The following KCTD9 variants were observed in gnomAD, a reference collection of about 807,000 sequenced individuals.
KCTD9 encodes BTB/POZ domain-containing protein KCTD9.
In KCTD9, 17 loss-of-function variants were observed where a neutral mutation model predicts 53.3. The observed-to-expected ratio is 0.32, with a 90% CI of 0.22 to 0.48. The LOEUF (loss-of-function observed/expected upper bound fraction) is 0.48. Ranked by LOEUF, KCTD9 falls within the 20% of genes least tolerant of loss-of-function variation. The probability of loss-of-function intolerance (pLI) is 0.99; values close to 1 mark genes in which losing one functional copy is unlikely to be tolerated. For missense variants in KCTD9, 179 were observed against 465.5 expected (o/e 0.38, Z 5.66); for synonymous variants, 128 against 162.7 (o/e 0.79, Z 1.62).
intron 1 of KCTD9, among the ~76,000 whole-genome samples, chr8:25,456,966 G>C (rs554726150): frequency 5.5e-4 from 83 of 152,282 alleles, no homozygotes; most frequent in African/African-American, 2.0e-3. Context: ...GCTAAGTACA[G>C]AACAGGTTTA....
At chr8:25,452,294 T>TG (rs1802339546) in intron 1 of KCTD9, among the ~76,000 whole-genome samples, 1 of 152,176 alleles carries the variant, frequency 6.6e-6, no homozygotes, top group Non-Finnish European at 1.5e-5. Context: ...TATCAAGTGT[T>TG]GGAGTGGATG....
rs766474390 is a variant in KCTD9 at position 25,446,104 on chromosome 8, C to T, written c.170+25G>A. 1.9e-6 allele frequency: 3 copies of T among 1,610,008 alleles called. No homozygotes were observed. The South Asian group carries it at 3.3e-5, about 18-fold the overall frequency. On this transcript the variant is annotated intron_variant, in intron 2 of 11. Transcript: ENST00000221200. ...CCAAGAAGTTGAGGCACACTGTTGA[C>T]AGCTTATAAAAAGGTGAAGGTTACC...
At position 25,428,983 on chromosome 8, in the gene KCTD9, T is replaced by C. The variant is rs1801883628; in HGVS notation, c.*874A>G. 1 of 152,354 alleles carries C rather than the reference T, an allele frequency of 6.6e-6. No homozygotes were observed. Among genetic ancestry groups the C allele is most frequent in the African/African-American group, 2.4e-5 (1 of 41,604 alleles). The allele number at this position is 152,354 out of a possible 1,614,324, so 9.4% of individuals were successfully genotyped here. A position where few individuals can be genotyped will look rare whatever the true frequency, so the allele number is the denominator to read the frequency against. On this transcript the variant is annotated 3_prime_UTR_variant, in exon 12 of 12. Coordinates refer to ENST00000221200, the MANE Select transcript of KCTD9 (RefSeq NM_017634.4). ...ATATTAATGATGCACCTTGGTTTTT[T>C]TGGTTTTGAAGTATCTTCCTATGCT... is the stretch of plus-strand genomic sequence containing the variant.
Position 25,439,671 on chromosome 8 carries a change from A to G in KCTD9, c.312-7T>C, listed in dbSNP as rs1212811711. The G allele has an allele frequency of 6.2e-7, 1 of 1,613,642 alleles. No homozygotes were observed. Among genetic ancestry groups the G allele is most frequent in the South Asian group, 1.1e-5 (1 of 91,058 alleles). On this transcript the variant is annotated splice_polypyrimidine_tract_variant and splice_region_variant and intron_variant, in intron 4 of 11. Transcript: ENST00000221200. ...TTTATTCACTAAAGTGCTCCTAAGAATTCAGGGAAAAAAATTGATTTCTCC... is the reference window on the plus strand; with the variant it reads ...TTTATTCACTAAAGTGCTCCTAAGAGTTCAGGGAAAAAAATTGATTTCTCC...
At chr8:25,453,452 G>C (rs1802371470) in intron 1 of KCTD9, among the ~76,000 whole-genome samples, 1 of 151,852 alleles carries the variant, frequency 6.6e-6, no homozygotes, top group Non-Finnish European at 1.5e-5. Flanking sequence ...TCAGGAGTTT[G>C]AGACCAGCCT....
intron 1 of KCTD9, among the ~76,000 whole-genome samples, chr8:25,453,654 A>T (rs1203117710): frequency 7.1e-6 from 1 of 141,684 alleles, no homozygotes; most frequent in African/African-American, 2.6e-5. Flanking sequence ...ACTCCGACTC[A>T]AAAAAAAAAA....
intron 1 of KCTD9, among the ~76,000 whole-genome samples, chr8:25,447,192 G>A (rs1370420760): frequency 6.6e-6 from 1 of 152,068 alleles, no homozygotes; most frequent in Admixed American, 6.5e-5. Flanking sequence ...CCTGGAGTTT[G>A]AGACCAGCCA....
chr8:25,450,304 C>T (rs1802294848), intron 1 of KCTD9: 1 of 984,564 alleles, frequency 1.0e-6, no homozygotes, highest in Non-Finnish European at 1.2e-6. Flanking sequence ...CTTGGTAAAG[C>T]TGATAAGCAG....
rs1802081607 is a variant in KCTD9 at position 25,439,703 on chromosome 8, C to G, written c.312-39G>C. 9 of 1,612,408 alleles carry G rather than the reference C, an allele frequency of 5.6e-6. No homozygotes were observed. In the East Asian group the frequency reaches 2.0e-4, roughly 36 times the overall value. On this transcript the variant is annotated intron_variant, in intron 4 of 11. Coordinates refer to ENST00000221200, the MANE Select transcript of KCTD9 (RefSeq NM_017634.4). Reference sequence around the variant, plus strand: ...GAAAAAAATTGATTTCTCCATTTGTCTTTATAAACAAACATATTTAAGTCA... The same window carrying G: ...GAAAAAAATTGATTTCTCCATTTGTGTTTATAAACAAACATATTTAAGTCA...
chr8:25,435,541 A>G, intron 8 of KCTD9, 29 bp from the exon 9 acceptor site: 4 of 1,571,536 alleles, frequency 2.5e-6, no homozygotes, highest in Non-Finnish European at 3.4e-6. Flanking sequence ...AATTGTCACC[A>G]TAACTAAATC....
chr8:25,440,730 T>G (rs1481743703), intron 3 of KCTD9, 57 bp from the exon 4 acceptor site: 2 of 1,211,096 alleles, frequency 1.7e-6, no homozygotes, highest in Non-Finnish European at 2.5e-6. Context: ...TCTGGGAAGA[T>G]GGTAATGGCA....
Position 25,435,465 on chromosome 8 carries a change from G to A in KCTD9, c.711C>T (p.Tyr237=). The change falls in exon 9 of 12, where the codon TAC becomes TAT. Residue 237 remains tyrosine (Y), a synonymous_variant. Transcript: ENST00000221200. ...GADLSRLDLR[Y]INFKMANLSR... The stretch of plus-strand genomic sequence containing the variant: ...TTAAATTGGCCATTTTGAAGTTAAT[G>A]TATCGAAGGTCCAAACGAGAAAGAT... The A allele has an allele frequency of 5.0e-6, 8 of 1,610,672 alleles. No individual in the cohort carries two copies. The highest frequency in any genetic ancestry group is 6.8e-6 in the Non-Finnish European group (8 of 1,178,472).
chr8:25,442,020 TAAAA>T (rs1300143662), intron 3 of KCTD9, among the ~76,000 whole-genome samples: 1 of 150,786 alleles, frequency 6.6e-6, no homozygotes, highest in African/African-American at 2.4e-5. Context: ...ATAAATAAAA[TAAAA>T]AGAAAGGAAA....
chr8:25,449,576 G>T (rs1802280301), intron 1 of KCTD9, among the ~76,000 whole-genome samples: 1 of 151,992 alleles, frequency 6.6e-6, no homozygotes, highest in Admixed American at 6.6e-5. Context: ...TGGGTCTATT[G>T]TCTTCCGATG....
intron 2 of KCTD9, among the ~76,000 whole-genome samples, chr8:25,444,775 C>G (rs1802186184): frequency 6.6e-6 from 1 of 152,106 alleles, no homozygotes; most frequent in African/African-American, 2.4e-5. Flanking sequence ...GGAAGTAACT[C>G]TACTGTCAGT....
At chr8:25,451,244 A>T (rs905553761) in intron 1 of KCTD9, among the ~76,000 whole-genome samples, 1 of 152,228 alleles carries the variant, frequency 6.6e-6, no homozygotes, top group Non-Finnish European at 1.5e-5. Flanking sequence ...TATATATATC[A>T]ACATAAATTT....
Position 25,435,411 on chromosome 8 carries a change from A to T in KCTD9, c.765T>A (p.Leu255=). 6.2e-7 allele frequency: 1 copy of T among 1,611,634 alleles called. No homozygotes were observed. The highest frequency in any genetic ancestry group is 8.5e-7 in the Non-Finnish European group (1 of 1,179,048). ...CAGCTCGTTCAAGATTTGCACAGCA[A>T]AGATTTGCATGTGCAAGATTACAGC... ...LSRCNLAHAN[L]CCANLERADL... Residue 255 remains leucine (L), a synonymous_variant, in exon 9 of 12, where the codon CTT becomes CTA. Transcript: ENST00000221200.
At chr8:25,453,653 C>T (rs945312004) in intron 1 of KCTD9, among the ~76,000 whole-genome samples, 19 of 55,324 alleles carry the variant, frequency 3.4e-4, no homozygotes, top group African/African-American at 1.3e-3. Context: ...GACTCCGACT[C>T]AAAAAAAAAA....
intron 1 of KCTD9, among the ~76,000 whole-genome samples, chr8:25,455,483 T>C (rs1409490834): frequency 6.6e-6 from 1 of 152,196 alleles, no homozygotes; most frequent in Non-Finnish European, 1.5e-5. Context: ...CTCAGCACTG[T>C]TTCAACTTCT....
Sources: gnomAD v4.1 joint callset for allele counts (sites outside exome capture counted in the v4.1 genomes callset) on GRCh38, gnomAD v4.1.1 for gene constraint, MANE v1.5 for transcripts, NCBI Gene and HGNC (gene_info 2026-07-23, HGNC 2026-07-21) for gene names.